Variants in TTYH2 observed in about 807,000 individuals in gnomAD.
TTYH2 encodes tweety family member 2.
In TTYH2, 49 loss-of-function variants were observed where a neutral mutation model predicts 68.3. The ratio of observed to expected loss-of-function variants is 0.72; its 90% CI spans 0.57 to 0.91. TTYH2 has a LOEUF of 0.91. Ranked by LOEUF, TTYH2 falls within the 40% of genes least tolerant of loss-of-function variation. TTYH2 has a pLI of 0.00. For missense variants in TTYH2, 631 were observed against 700.4 expected (o/e 0.90, Z 1.12); for synonymous variants, 272 against 300.8 (o/e 0.90, Z 0.99).
chr17:74,221,314 A>G (rs1037601023), intron 1 of TTYH2, among the ~76,000 whole-genome samples: 4 of 152,064 alleles, frequency 2.6e-5, no homozygotes, highest in African/African-American at 7.2e-5. Context: ...AATGGCCCCA[A>G]AGCCCCAGAC....
intron 4 of TTYH2, among the ~76,000 whole-genome samples, chr17:74,238,093 G>C (rs2050462111): frequency 6.6e-6 from 1 of 152,160 alleles, no homozygotes; most frequent in Admixed American, 6.5e-5. Flanking sequence ...GGCTGGACCT[G>C]GCCTCAGCCT....
At chr17:74,243,944 G>T (rs535889583) in intron 5 of TTYH2, 33 bp from the exon 6 acceptor site, 5 of 1,604,574 alleles carry the variant, frequency 3.1e-6, no homozygotes, top group Non-Finnish European at 4.2e-6. Context: ...AGGGGACCCC[G>T]CCTGCCAACG....
chr17:74,228,406 C>T (rs2050354225), intron 2 of TTYH2, among the ~76,000 whole-genome samples: 2 of 152,238 alleles, frequency 1.3e-5, no homozygotes, highest in Admixed American at 1.3e-4. Context: ...CCCAAATGAG[C>T]ATTTTGGATG....
intron 2 of TTYH2, among the ~76,000 whole-genome samples, chr17:74,226,632 A>T (rs1326961905): frequency 1.3e-5 from 2 of 152,166 alleles, no homozygotes; most frequent in African/African-American, 2.4e-5. Flanking sequence ...GTGGGAGGAC[A>T]CATGAGCTCT....
intron 11 of TTYH2, among the ~76,000 whole-genome samples, 173 bp from the exon 12 acceptor site, chr17:74,252,908 G>A (rs1485497757): frequency 6.6e-6 from 1 of 152,168 alleles, no homozygotes; most frequent in African/African-American, 2.4e-5. Context: ...AGCTGGGAAT[G>A]GGCCAGAATG....
Position 74,250,001 on chromosome 17 carries a change from T to C in TTYH2, c.996T>C (p.Phe332=). 1 of 1,614,138 alleles carries C rather than the reference T, an allele frequency of 6.2e-7. No homozygotes were observed. The highest frequency in any genetic ancestry group is 8.5e-7 in the Non-Finnish European group (1 of 1,180,008). ...MQIQVAGLLQ[F]AVPLFSTAEE... ...TCCAGGTCGCGGGGCTGCTGCAGTT[T>C]GCCGTGCCCCTCTTCTCCACTGCAG... The change falls in exon 9 of 14, where the codon TTT becomes TTC. Residue 332 remains phenylalanine, a synonymous_variant. Transcript: ENST00000269346.
intron 2 of TTYH2, among the ~76,000 whole-genome samples, chr17:74,229,715 T>A (rs575353564): frequency 1.3e-5 from 2 of 152,362 alleles, no homozygotes; most frequent in East Asian, 3.9e-4. Context: ...CTGGAATAAG[T>A]CATGGAAGAA....
intron 2 of TTYH2, 83 bp from the exon 3 acceptor site, chr17:74,230,805 C>G (rs2050380399): frequency 7.0e-7 from 1 of 1,435,640 alleles, no homozygotes; most frequent in Non-Finnish European, 9.5e-7. Flanking sequence ...CCACCGCACC[C>G]AACCCTAAGC....
In TTYH2 at chr17:74,243,722, T is replaced by C. The variant is rs117274819; in HGVS notation, c.731+253T>C. Among the ~76,000 whole-genome samples, 147 of 152,314 alleles carry C rather than the reference T, an allele frequency of 9.7e-4. 1 individual carries two copies. In the East Asian group the frequency reaches 0.013, roughly 14 times the overall value. On this transcript the variant is annotated intron_variant, in intron 5 of 13. Coordinates refer to ENST00000269346, the MANE Select transcript of TTYH2 (RefSeq NM_032646.6). ...GACTCTGTTGAGCAGCTAAGAAACA[T>C]GGGTCCGTGCATGAAAGCCTCTGGC... is the stretch of plus-strand genomic sequence containing the variant.
chr17:74,253,544 C>T (rs1257771619), intron 12 of TTYH2, among the ~76,000 whole-genome samples: 2 of 152,196 alleles, frequency 1.3e-5, no homozygotes, highest in Non-Finnish European at 2.9e-5. Context: ...GGCCATGCTG[C>T]TCCCAGCCTC....
chr17:74,243,045 C>T (rs988660960), intron 4 of TTYH2, among the ~76,000 whole-genome samples: 2 of 152,194 alleles, frequency 1.3e-5, no homozygotes, highest in African/African-American at 4.8e-5. Flanking sequence ...TCTCGGTAGC[C>T]ACCTGTGGGT....
intron 2 of TTYH2, among the ~76,000 whole-genome samples, chr17:74,227,728 C>T (rs188359542): frequency 6.7e-6 from 1 of 150,284 alleles, no homozygotes; most frequent in East Asian, 1.9e-4. Flanking sequence ...GACAGAGATA[C>T]GTAAAGCATG....
rs2050217273 is a variant in TTYH2 at position 74,215,847 on chromosome 17, A to C, written c.129+2131A>C. On this transcript the variant is annotated intron_variant, in intron 1 of 13. Coordinates refer to ENST00000269346, the MANE Select transcript of TTYH2 (RefSeq NM_032646.6). The surrounding 1 kb of genome is among the most constrained non-coding windows in gnomAD (Gnocchi z 4.3). ...GCTTGACTGGAGCAAGTGCTATGCC[A>C]GGCGTGGGGTGACCGTGGTAACCAA... is the stretch of plus-strand genomic sequence containing the variant. The C allele has an allele frequency of 1.2e-6, 1 of 861,144 alleles. No individual in the cohort carries two copies. Among genetic ancestry groups the C allele is most frequent in the African/African-American group, 1.7e-5 (1 of 59,052 alleles). 53.3% of individuals were successfully genotyped at this position (861,144 alleles called of 1,614,324 possible). A position where few individuals can be genotyped will look rare whatever the true frequency, so the allele number is the denominator to read the frequency against.
At chr17:74,223,830 A>T (rs2050303264) in intron 2 of TTYH2, among the ~76,000 whole-genome samples, 1 of 152,172 alleles carries the variant, frequency 6.6e-6, no homozygotes, top group Admixed American at 6.5e-5. Flanking sequence ...ATACCCAGGC[A>T]GCTCACCTTG....
rs2050208722 is a variant in TTYH2, at chr17:74,215,070, T to C, written c.129+1354T>C. Reference sequence around the variant, plus strand: ...TCCCCCAGAGCCCAGCCTGTGGGAGTCTGTGTTCCCTGAGAATGTGGCTGC... The same window carrying C: ...TCCCCCAGAGCCCAGCCTGTGGGAGCCTGTGTTCCCTGAGAATGTGGCTGC... On this transcript the variant is annotated intron_variant, in intron 1 of 13. Coordinates refer to ENST00000269346, the MANE Select transcript of TTYH2 (RefSeq NM_032646.6). The surrounding 1 kb of genome is among the most constrained non-coding windows in gnomAD (Gnocchi z 4.3). 6.7e-6 allele frequency among the ~76,000 whole-genome samples: 1 copy of C among 150,210 alleles called. No homozygotes were observed. The highest frequency in any genetic ancestry group is 1.5e-5 in the Non-Finnish European group (1 of 67,456).
intron 4 of TTYH2, among the ~76,000 whole-genome samples, chr17:74,242,227 G>T (rs922149322): frequency 6.6e-6 from 1 of 152,186 alleles, no homozygotes; most frequent in African/African-American, 2.4e-5. Flanking sequence ...GGAATGAAGG[G>T]CTTGGAGGAG....
intron 2 of TTYH2, among the ~76,000 whole-genome samples, chr17:74,226,585 CAGG>C (rs968122535): frequency 5.9e-5 from 9 of 152,044 alleles, no homozygotes; most frequent in Non-Finnish European, 1.3e-4. Context: ...GGGACAGCAG[CAGG>C]AGAAGGGATG....
chr17:74,253,364 C>A, intron 12 of TTYH2, 98 bp downstream of exon 12: 1 of 1,419,686 alleles, frequency 7.0e-7, no homozygotes, highest in Non-Finnish European at 9.4e-7. Flanking sequence ...GCATCCAAGG[C>A]CACCCGTGGT....
chr17:74,258,768 G>A (rs1330224866), intron 13 of TTYH2, among the ~76,000 whole-genome samples: 1 of 152,054 alleles, frequency 6.6e-6, no homozygotes, highest in African/African-American at 2.4e-5. Context: ...GCCAGTGGCA[G>A]CCCAGTGCCC....
Sources: allele counts gnomAD v4.1 joint callset (sites outside exome capture counted in the v4.1 genomes callset), GRCh38; gene constraint gnomAD v4.1.1; non-coding constraint Gnocchi (gnomAD v3.1); transcripts MANE v1.5; gene names NCBI Gene and HGNC (gene_info 2026-07-23, HGNC 2026-07-21).